Variants in SYNPO2 observed in about 807,000 individuals in gnomAD.
SYNPO2 encodes synaptopodin 2.
SYNPO2 carries 56 observed loss-of-function variants against 85.0 expected under a neutral mutation model. The ratio of observed to expected loss-of-function variants is 0.66; its 90% CI spans 0.53 to 0.82. SYNPO2 has a LOEUF of 0.82. Ranked by LOEUF, SYNPO2 falls within the 40% of genes least tolerant of loss-of-function variation. The pLI is 0.00. For missense variants in SYNPO2, 1,575 were observed against 1,534.2 expected, an observed-to-expected ratio of 1.03 and a Z score of -0.44; for synonymous variants, 602 against 591.1, an observed-to-expected ratio of 1.02 and a Z score of -0.27.
chr4:118,883,756 TAAA>T (rs1732153017), intron 1 of SYNPO2, among the ~76,000 whole-genome samples: 2 of 151,654 alleles, frequency 1.3e-5, no homozygotes, highest in South Asian at 4.2e-4. Context: ...CCAAATAAAA[TAAA>T]AGGAGGCGGG....
chr4:119,007,263 TATATATATATATGTATATAC>T (rs1403185089), intron 1 of SYNPO2, among the ~76,000 whole-genome samples: 11 of 77,778 alleles, frequency 1.4e-4, no homozygotes, highest in East Asian at 3.9e-4. Context: ...CATATATATA[TATATATATATATGTATATAC>T]ATATATATAT....
At chr4:118,887,264 G>T (rs758464184), upstream of SYNPO2, among the ~76,000 whole-genome samples, 31 of 152,040 alleles carry the variant, frequency 2.0e-4, 1 homozygote, top group Non-Finnish European at 3.7e-4. Flanking sequence ...GCCCTAAGCT[G>T]CAGGGAGAGG....
At chr4:119,026,393 T>C (rs2073180573) in intron 2 of SYNPO2, among the ~76,000 whole-genome samples, 1 of 152,224 alleles carries the variant, frequency 6.6e-6, no homozygotes, top group African/African-American at 2.4e-5. Flanking sequence ...GGATTCAGGT[T>C]TCATAATCTT....
intron 1 of SYNPO2, among the ~76,000 whole-genome samples, chr4:118,957,750 T>C (rs1335464591): frequency 1.3e-5 from 2 of 152,224 alleles, no homozygotes; most frequent in African/African-American, 4.8e-5. Context: ...TCTCCACTAA[T>C]ACATGTTATC....
At chr4:119,026,501 A>G (rs1737949067) in intron 2 of SYNPO2, 126 bp from the exon 3 acceptor site, 2 of 1,043,966 alleles carry the variant, frequency 1.9e-6, no homozygotes, top group South Asian at 4.3e-5. Context: ...AATATGTTGC[A>G]ACTGACATTT....
At chr4:118,981,561 C>G (rs919140000) in intron 1 of SYNPO2, among the ~76,000 whole-genome samples, 2 of 152,144 alleles carry the variant, frequency 1.3e-5, no homozygotes, top group African/African-American at 2.4e-5. Flanking sequence ...TGCGTTGTCT[C>G]CATACAATGT....
intron 1 of SYNPO2, among the ~76,000 whole-genome samples, chr4:118,950,630 G>C (rs151153207): frequency 9.8e-5 from 15 of 152,320 alleles, no homozygotes; most frequent in African/African-American, 3.1e-4. Context: ...GAGCCAGGTA[G>C]AGGAGGCAGT....
At chr4:119,052,689 A>G (rs1739091846) in intron 4 of SYNPO2, among the ~76,000 whole-genome samples, 1 of 152,172 alleles carries the variant, frequency 6.6e-6, no homozygotes, top group South Asian at 2.1e-4. Flanking sequence ...CAGCTGGGGA[A>G]GGAGAGGAGA....
chr4:118,913,130 TG>T (rs1733196597), intron 1 of SYNPO2, among the ~76,000 whole-genome samples: 1 of 152,208 alleles, frequency 6.6e-6, no homozygotes, highest in African/African-American at 2.4e-5. Context: ...ACATTATCCT[TG>T]CTCTTAAGAA....
At chr4:119,037,294 A>T in intron 4 of SYNPO2, 3 of 1,303,392 alleles carry the variant, frequency 2.3e-6, no homozygotes, top group Non-Finnish European at 2.9e-6. Context: ...TGGTTTGTTC[A>T]TGAAAAAAAA....
At chr4:118,929,115 G>C (rs1172549755) in intron 1 of SYNPO2, among the ~76,000 whole-genome samples, 1 of 151,250 alleles carries the variant, frequency 6.6e-6, no homozygotes, top group Non-Finnish European at 1.5e-5. Context: ...TGTATAGAAA[G>C]AGATAAAGGA....
chr4:118,971,580 TA>T (rs1735543050), intron 1 of SYNPO2, among the ~76,000 whole-genome samples: 1 of 152,248 alleles, frequency 6.6e-6, no homozygotes, highest in African/African-American at 2.4e-5. Context: ...CAACCTGACT[TA>T]TTCATTCATA....
chr4:118,935,313 T>C (rs1055884356), intron 1 of SYNPO2, among the ~76,000 whole-genome samples: 10 of 152,202 alleles, frequency 6.6e-5, no homozygotes, highest in Non-Finnish European at 1.2e-4. Context: ...AAGTAAAATA[T>C]ACACAGCCAG....
intron 4 of SYNPO2, among the ~76,000 whole-genome samples, chr4:119,040,065 G>A (rs1261069762): frequency 6.6e-6 from 1 of 152,142 alleles, no homozygotes; most frequent in Non-Finnish European, 1.5e-5. Context: ...AATAATAGGT[G>A]TACCTCACAA....
At chr4:118,946,404 T>C (rs370078284) in intron 1 of SYNPO2, among the ~76,000 whole-genome samples, 7 of 148,800 alleles carry the variant, frequency 4.7e-5, no homozygotes, top group African/African-American at 1.7e-4. Flanking sequence ...TCCCATACTA[T>C]TTTGAAAACA....
chr4:118,995,266 A>T (rs1338763358), intron 1 of SYNPO2, among the ~76,000 whole-genome samples: 111 of 152,184 alleles, frequency 7.3e-4, no homozygotes, highest in Non-Finnish European at 7.3e-5. Context: ...TCTTGAAAAA[A>T]ACAGAGCTCT....
At chr4:118,938,170 G>A (rs1407124584) in intron 1 of SYNPO2, among the ~76,000 whole-genome samples, 2 of 152,100 alleles carry the variant, frequency 1.3e-5, no homozygotes, top group East Asian at 3.9e-4. Context: ...CAGGCGGTAG[G>A]CTGTATAGCC....
chr4:119,014,415 AAAAT>A (rs769647824), intron 1 of SYNPO2, among the ~76,000 whole-genome samples: 2 of 152,188 alleles, frequency 1.3e-5, no homozygotes, highest in African/African-American at 2.4e-5. Flanking sequence ...CTCCATCTCA[AAAAT>A]AAATAAATAA....
rs1553944816 is a variant in SYNPO2, at chr4:118,995,906, C to CTATG, written c.106-27524_106-27523insTATG. The stretch of plus-strand genomic sequence containing the variant: ...TCTATCTATCTATCTATCTATCTAT[C>CTATG]ATCTATCTAATTTTGCTTTTTTCTG... On this transcript the variant is annotated intron_variant, in intron 1 of 4. Coordinates refer to ENST00000307142, the MANE Select transcript of SYNPO2 (RefSeq NM_133477.3). Among the ~76,000 whole-genome samples the CTATG allele has an allele frequency of 3.5e-3, 513 of 145,120 alleles. 4 individuals carry two copies. The highest frequency in any genetic ancestry group is 0.012 in the African/African-American group (481 of 39,102).
Sources: allele counts gnomAD v4.1 joint callset (sites outside exome capture counted in the v4.1 genomes callset), GRCh38; gene constraint gnomAD v4.1.1; transcripts MANE v1.5; gene names NCBI Gene and HGNC (gene_info 2026-07-23, HGNC 2026-07-21).